Variants in ABHD2 observed in about 807,000 individuals in gnomAD.
ABHD2 encodes the protein abhydrolase domain containing 2, acylglycerol lipase.
A neutral mutation model predicts 48.1 loss-of-function variants in ABHD2; 20 were observed. The observed-to-expected ratio is 0.42, with a 90% CI of 0.29 to 0.60. ABHD2 has a LOEUF of 0.60. ABHD2 is among the 20% of genes least tolerant of loss of function. ABHD2 has a pLI of 0.24. For synonymous variants in ABHD2, 209 were observed against 214.2 expected (o/e 0.98, Z 0.21); for missense variants, 405 against 550.9 (o/e 0.74, Z 2.65).
At chr15:89,069,125 T>TTG in the ABHD2 span, among the ~76,000 whole-genome samples, 1 of 100,926 alleles carries the variant, frequency 9.9e-6, no homozygotes, top group African/African-American at 3.4e-5. Context: ...TTCTTTTCTT[T>TTG]TTTTTTTTTT....
chr15:89,153,260 G>A (rs2050621724), intron 4 of ABHD2, among the ~76,000 whole-genome samples: 1 of 152,180 alleles, frequency 6.6e-6, no homozygotes. Context: ...TTGTGTGCTT[G>A]TGTATTATTT....
the ABHD2 span, among the ~76,000 whole-genome samples, chr15:89,056,132 T>A: frequency 6.6e-6 from 1 of 152,216 alleles, no homozygotes; most frequent in African/African-American, 2.4e-5. Flanking sequence ...GGATTACAGA[T>A]GTGAGCTGCC....
chr15:89,059,676 G>C, the ABHD2 span, among the ~76,000 whole-genome samples: 5 of 152,164 alleles, frequency 3.3e-5, no homozygotes, highest in East Asian at 1.9e-4. Context: ...CCATTCCAGA[G>C]ATGGTGGGTT....
intron 3 of ABHD2, among the ~76,000 whole-genome samples, chr15:89,149,745 C>G (rs1419571808): frequency 6.6e-6 from 1 of 152,238 alleles, no homozygotes; most frequent in Non-Finnish European, 1.5e-5. Flanking sequence ...CCACGTGTAC[C>G]TGTTCTGGCT....
chr15:89,194,163 A>C (rs1323361774), intron 10 of ABHD2, among the ~76,000 whole-genome samples: 3 of 152,180 alleles, frequency 2.0e-5, no homozygotes, highest in Non-Finnish European at 4.4e-5. Context: ...CGGTTCTGCT[A>C]TCTCTTGTGA....
the ABHD2 span, among the ~76,000 whole-genome samples, chr15:89,061,087 GGGAGGGAGGGAA>G: frequency 0.2 from 30,217 of 151,902 alleles, 3,638 homozygotes; most frequent in East Asian, 0.37. Context: ...TCCAAAAATG[GGGAGGGAGGGAA>G]GGAGGGAGGG....
chr15:89,176,710 C>G lies in ABHD2; in HGVS notation c.722+715C>G, dbSNP rs1280049931. 6.6e-6 allele frequency among the ~76,000 whole-genome samples: 1 copy of G among 152,164 alleles called. No homozygotes were observed. Among genetic ancestry groups the G allele is most frequent in the Non-Finnish European group, 1.5e-5 (1 of 68,026 alleles). On this transcript the variant is annotated intron_variant, in intron 6 of 10. Coordinates refer to ENST00000352732, the MANE Select transcript of ABHD2 (RefSeq NM_152924.5). The surrounding 1 kb of genome is among the most constrained non-coding windows in gnomAD (Gnocchi z 4.5). The stretch of plus-strand genomic sequence containing the variant: ...CACTCACACTATACACACACCTCTC[C>G]AGGCTCTTCAAATACATTCATATTT...
rs2050962872 is a variant in ABHD2, at chr15:89,173,564, C to A, written c.539-2248C>A. On this transcript the variant is annotated intron_variant, in intron 5 of 10. Coordinates refer to ENST00000352732, the MANE Select transcript of ABHD2 (RefSeq NM_152924.5). This position sits in a 1 kb window ranked among gnomAD's most constrained non-coding sequence, Gnocchi z 6.5. Reference sequence around the variant, plus strand: ...CTCCAGCCTGGGTGACAGAGCGAGACTCTGTCTCAAAAACAAACGAACAAA... The same window carrying A: ...CTCCAGCCTGGGTGACAGAGCGAGAATCTGTCTCAAAAACAAACGAACAAA... 6.6e-6 allele frequency among the ~76,000 whole-genome samples: 1 copy of A among 152,202 alleles called. No individual in the cohort carries two copies. The highest frequency in any genetic ancestry group is 1.5e-5 in the Non-Finnish European group (1 of 68,026).
At chr15:89,181,133 G>C (rs11632097) in intron 6 of ABHD2, among the ~76,000 whole-genome samples, 1 of 149,930 alleles carries the variant, frequency 6.7e-6, no homozygotes, top group African/African-American at 2.5e-5. Context: ...GGCTGAGGCA[G>C]GAAAATCTCT....
chr15:89,063,761 A>T, the ABHD2 span, among the ~76,000 whole-genome samples: 7 of 152,090 alleles, frequency 4.6e-5, no homozygotes, highest in Admixed American at 4.6e-4. Flanking sequence ...ATCTTCTCCA[A>T]CTGAAACTCT....
upstream of ABHD2, chr15:89,088,441 G>C (rs889160680): frequency 8.5e-5 from 13 of 153,102 alleles, no homozygotes; most frequent in African/African-American, 3.1e-4. This position sits in a 1 kb window ranked among gnomAD's most constrained non-coding sequence, Gnocchi z 6.8. Context: ...GGCGGGGCCG[G>C]TAGCGGCGGG....
At chr15:89,144,317 G>A (rs2050456676) in intron 3 of ABHD2, among the ~76,000 whole-genome samples, 1 of 152,066 alleles carries the variant, frequency 6.6e-6, no homozygotes. Flanking sequence ...ATTTTTAGTA[G>A]GGATGGGGTT....
chr15:89,113,369 C>G (rs905070582), intron 1 of ABHD2, among the ~76,000 whole-genome samples: 6 of 152,210 alleles, frequency 3.9e-5, no homozygotes, highest in Non-Finnish European at 8.8e-5. Flanking sequence ...TCAAGCCTTG[C>G]TAAGTTATTT....
rs114184813 is a variant in ABHD2, at chr15:89,177,668, T to C, written c.722+1673T>C. Among the ~76,000 whole-genome samples, 1,199 of 152,136 alleles carry C rather than the reference T, an allele frequency of 7.9e-3. 13 individuals are homozygous for C. The highest frequency in any genetic ancestry group is 0.021 in the African/African-American group (859 of 41,500). Reference sequence around the variant, plus strand: ...TCTTTTCCTTCACTCCTCTGGACACTGGGGAGTCAGCTGAGAGGACATGTG... The same window carrying C: ...TCTTTTCCTTCACTCCTCTGGACACCGGGGAGTCAGCTGAGAGGACATGTG... On this transcript the variant is annotated intron_variant, in intron 6 of 10. Coordinates refer to ENST00000352732, the MANE Select transcript of ABHD2 (RefSeq NM_152924.5). This position sits in a 1 kb window ranked among gnomAD's most constrained non-coding sequence, Gnocchi z 5.6.
intron 1 of ABHD2, among the ~76,000 whole-genome samples, chr15:89,111,521 A>G (rs1418485128): frequency 2.0e-5 from 3 of 152,182 alleles, no homozygotes; most frequent in Non-Finnish European, 4.4e-5. Flanking sequence ...TGGGGCTCCT[A>G]GAGAGACTTC....
At chr15:89,055,664 T>TA in the ABHD2 span, among the ~76,000 whole-genome samples, 15 of 152,064 alleles carry the variant, frequency 9.9e-5, no homozygotes, top group East Asian at 2.9e-3. Flanking sequence ...TTATTGATAA[T>TA]AGCAAAAATC....
rs972250404 is a variant in ABHD2, at chr15:89,184,839, C to T, written c.723-585C>T. ...TTCCAGACCAGCCCCACCAGCTGTG[C>T]CTACAAAGGGTTAAGGGCCTGTCTA... On this transcript the variant is annotated intron_variant, in intron 6 of 10. Transcript: ENST00000352732. This position sits in a 1 kb window ranked among gnomAD's most constrained non-coding sequence, Gnocchi z 5.1. 6.6e-6 allele frequency among the ~76,000 whole-genome samples: 1 copy of T among 152,208 alleles called. No homozygotes were observed. The highest frequency in any genetic ancestry group is 1.5e-5 in the Non-Finnish European group (1 of 68,042).
At chr15:89,083,751 C>A (rs1039898364), upstream of ABHD2, among the ~76,000 whole-genome samples, 1 of 152,138 alleles carries the variant, frequency 6.6e-6, no homozygotes, top group African/African-American at 2.4e-5. This position sits in a 1 kb window ranked among gnomAD's most constrained non-coding sequence, Gnocchi z 5.1. Flanking sequence ...TTTTCATGAT[C>A]GTTTTCACTG....
At position 89,127,718 on chromosome 15, in the gene ABHD2, TAC is replaced by T. The variant is rs56963755; in HGVS notation, c.194+11201_194+11202del. Among the ~76,000 whole-genome samples, 181 of 82,226 alleles carry T rather than the reference TAC, an allele frequency of 2.2e-3. 13 individuals are homozygous for T. The highest frequency in any genetic ancestry group is 0.014 in the African/African-American group (174 of 12,834). 53.9% of individuals were successfully genotyped at this position (82,226 alleles called of 152,430 possible). ...ATATATATATATACATATATATATA[TAC>T]ACATATATATATATATATATGTATA... On this transcript the variant is annotated intron_variant, in intron 3 of 10. Transcript: ENST00000352732.
Sources: gnomAD v4.1 joint callset for allele counts (sites outside exome capture counted in the v4.1 genomes callset) on GRCh38, gnomAD v4.1.1 for gene constraint, Gnocchi (gnomAD v3.1) non-coding constraint, MANE v1.5 for transcripts, NCBI Gene and HGNC (gene_info 2026-07-23, HGNC 2026-07-21) for gene names.